Variants in PTPN9 observed in about 807,000 individuals in gnomAD.
PTPN9 encodes tyrosine-protein phosphatase non-receptor type 9.
Under a neutral mutation model 69.8 loss-of-function variants are expected in PTPN9, and 26 were observed. That is an observed-to-expected ratio of 0.37 (90% CI 0.27 to 0.52). PTPN9 has a LOEUF of 0.52. Among genes scored for constraint, PTPN9 ranks in the 20% least tolerant of loss-of-function variants. PTPN9 has a pLI of 0.91. For synonymous variants in PTPN9, 274 were observed against 272.5 expected, an observed-to-expected ratio of 1.01 and a Z score of -0.05; for missense variants, 549 against 740.3, an observed-to-expected ratio of 0.74 and a Z score of 3.00.
At chr15:75,517,473 C>A in intron 4 of PTPN9, 109 bp from the exon 5 acceptor site, 1 of 731,772 alleles carries the variant, frequency 1.4e-6, no homozygotes. Flanking sequence ...CATCTAGGAT[C>A]AAAACAACTG....
chr15:75,526,019 A>T (rs1280800559), intron 2 of PTPN9, among the ~76,000 whole-genome samples: 1 of 150,884 alleles, frequency 6.6e-6, no homozygotes, highest in Non-Finnish European at 1.5e-5. Context: ...TTTTTTTTAA[A>T]CAGTCTCACT....
At chr15:75,496,947 GA>G (rs2074746110) in intron 7 of PTPN9, among the ~76,000 whole-genome samples, 1 of 152,040 alleles carries the variant, frequency 6.6e-6, no homozygotes. Flanking sequence ...GTCTTCTTTA[GA>G]ACTGTTTGGT....
chr15:75,540,803 C>T (rs745345740), intron 1 of PTPN9, among the ~76,000 whole-genome samples: 24 of 151,484 alleles, frequency 1.6e-4, no homozygotes, highest in Non-Finnish European at 3.4e-4. Context: ...CCAGGTGGGA[C>T]GAGATGACTC....
intron 7 of PTPN9, among the ~76,000 whole-genome samples, chr15:75,504,948 G>C (rs1050140953): frequency 3.3e-5 from 5 of 152,040 alleles, no homozygotes; most frequent in African/African-American, 1.2e-4. Flanking sequence ...CCACCACCTC[G>C]TCTGGGAGGT....
At chr15:75,564,535 G>A (rs1195631663) in intron 1 of PTPN9, among the ~76,000 whole-genome samples, 1 of 151,266 alleles carries the variant, frequency 6.6e-6, no homozygotes, top group Non-Finnish European at 1.5e-5. Flanking sequence ...GGCGGAGCTT[G>A]CAGTGAGCCA....
chr15:75,532,317 G>T (rs912230441), intron 1 of PTPN9, among the ~76,000 whole-genome samples: 2 of 151,828 alleles, frequency 1.3e-5, no homozygotes, highest in Non-Finnish European at 2.9e-5. Context: ...CAGTAGAATC[G>T]CTTGAACCCA....
intron 1 of PTPN9, among the ~76,000 whole-genome samples, chr15:75,559,079 G>C (rs1364571019): frequency 1.3e-5 from 2 of 151,854 alleles, no homozygotes; most frequent in Non-Finnish European, 2.9e-5. Flanking sequence ...CGTCTAGGAA[G>C]TGAGGAGCGT....
At chr15:75,502,533 G>A (rs1595954454) in intron 7 of PTPN9, among the ~76,000 whole-genome samples, 1 of 151,662 alleles carries the variant, frequency 6.6e-6, no homozygotes, top group Admixed American at 6.6e-5. Context: ...GTGTGGGTGT[G>A]TATATATATA....
chr15:75,529,828 T>G (rs758727115), intron 1 of PTPN9, among the ~76,000 whole-genome samples: 4 of 151,990 alleles, frequency 2.6e-5, no homozygotes, highest in Non-Finnish European at 5.9e-5. Flanking sequence ...GAAAATTGCT[T>G]GAACCCAGGA....
At chr15:75,524,322 G>A (rs775308355) in intron 2 of PTPN9, 24 bp from the exon 3 acceptor site, 1 of 1,459,890 alleles carries the variant, frequency 6.8e-7, no homozygotes, top group South Asian at 1.1e-5. Flanking sequence ...ACAGCAAAAT[G>A]TATTAATATG....
intron 1 of PTPN9, among the ~76,000 whole-genome samples, chr15:75,538,144 A>G (rs1313260944): frequency 1.3e-5 from 2 of 152,182 alleles, no homozygotes; most frequent in Non-Finnish European, 2.9e-5. Context: ...TCTCCGAGGA[A>G]TGTAAAGACT....
At chr15:75,571,992 C>T (rs190335717) in intron 1 of PTPN9, among the ~76,000 whole-genome samples, 23 of 152,214 alleles carry the variant, frequency 1.5e-4, no homozygotes, top group Non-Finnish European at 3.1e-4. Context: ...CCAAAATACC[C>T]TGAACAGCTA....
intron 7 of PTPN9, among the ~76,000 whole-genome samples, chr15:75,498,973 T>C (rs995016963): frequency 6.6e-6 from 1 of 152,202 alleles, no homozygotes; most frequent in Admixed American, 6.5e-5. Context: ...CTGGCTGTGA[T>C]ATTACACTAT....
At position 75,503,165 on chromosome 15, in the gene PTPN9, G is replaced by C. The variant is rs565055510; in HGVS notation, c.968+2510C>G. On this transcript the variant is annotated intron_variant, in intron 7 of 12. Coordinates refer to ENST00000618819, the MANE Select transcript of PTPN9 (RefSeq NM_002833.4). ...TGGAAAGTGAGGAGCGTCTCTGCCC[G>C]GCCGCCATCCCATCTAGGAAGTGAG... Among the ~76,000 whole-genome samples the C allele has an allele frequency of 4.2e-4, 63 of 149,360 alleles. No individual in the cohort carries two copies. The East Asian group carries it at 0.011, about 26-fold the overall frequency.
intron 1 of PTPN9, among the ~76,000 whole-genome samples, chr15:75,563,563 T>G (rs1021646452): frequency 3.3e-5 from 5 of 152,214 alleles, no homozygotes; most frequent in Non-Finnish European, 7.3e-5. Context: ...GAGAAAGATA[T>G]GATCTTTTTT....
At chr15:75,540,717 G>C (rs2075004906) in intron 1 of PTPN9, among the ~76,000 whole-genome samples, 1 of 152,046 alleles carries the variant, frequency 6.6e-6, no homozygotes. Flanking sequence ...GGGAGGCTGA[G>C]GTGGGAGGAT....
chr15:75,517,204 A>AAT, intron 5 of PTPN9, 55 bp downstream of exon 5: 6 of 1,305,112 alleles, frequency 4.6e-6, no homozygotes, highest in Admixed American at 2.3e-5. Context: ...GAATTAAAAA[A>AAT]ATATATATAT....
chr15:75,559,274 C>A (rs1413849889), intron 1 of PTPN9, among the ~76,000 whole-genome samples: 1 of 152,142 alleles, frequency 6.6e-6, no homozygotes, highest in African/African-American at 2.4e-5. Context: ...GGGAGGTGTA[C>A]CCAACAGCTC....
intron 7 of PTPN9, among the ~76,000 whole-genome samples, chr15:75,503,387 A>T (rs1410807411): frequency 0.016 from 1,066 of 68,440 alleles, no homozygotes; most frequent in East Asian, 0.036. Flanking sequence ...AAGTGAGGAG[A>T]CCCTCCGCCC....
Sources: gnomAD v4.1 joint callset for allele counts (sites outside exome capture counted in the v4.1 genomes callset) on GRCh38, gnomAD v4.1.1 for gene constraint, MANE v1.5 for transcripts, NCBI Gene and HGNC (gene_info 2026-07-23, HGNC 2026-07-21) for gene names.